The following CBR4 variants were observed in gnomAD, a reference collection of about 807,000 sequenced individuals.
CBR4 encodes the protein 3-oxoacyl-[acyl-carrier-protein] reductase.
A neutral mutation model predicts 21.0 loss-of-function variants in CBR4; 22 were observed. The ratio of observed to expected loss-of-function variants is 1.05; its 90% CI spans 0.75 to 1.50. The LOEUF is 1.50. CBR4 is among the 40% of genes most tolerant of loss of function. CBR4 has a pLI of 0.00. For synonymous variants in CBR4, 100 were observed against 104.4 expected, an observed-to-expected ratio of 0.96 and a Z score of 0.26; for missense variants, 302 against 286.3, an observed-to-expected ratio of 1.05 and a Z score of -0.40.
chr4:168,968,188 CTAA>C lies in CBR4; in HGVS notation n.169+33880_169+33882del, dbSNP rs1238183703. Among the ~76,000 whole-genome samples the C allele has an allele frequency of 3.3e-5, 5 of 152,278 alleles. No individual in the cohort carries two copies. In the East Asian group the frequency reaches 9.6e-4, roughly 29 times the overall value. On this transcript the variant is annotated intron_variant and non_coding_transcript_variant, in intron 2 of 3. Transcript: ENST00000509108. ...CCAAACTGCCCTTTTTTATGACTTT[CTAA>C]CATAGCCCTTATATTTTCTACAGGA...
chr4:168,990,010 T>A lies in CBR4; in HGVS notation c.*140A>T, dbSNP rs575639005. 3.1e-6 allele frequency: 4 copies of A among 1,281,924 alleles called. No individual in the cohort carries two copies. The South Asian group carries it at 1.2e-4, about 39-fold the overall frequency. The allele number at this position is 1,281,924 out of a possible 1,614,324, so 79.4% of individuals were successfully genotyped here. ...TCACACATTGTTCTTTTGAGACATA[T>A]TTTTATAAAGACAGAAATTAACATT... is the stretch of plus-strand genomic sequence containing the variant. On this transcript the variant is annotated 3_prime_UTR_variant, in exon 5 of 5. Transcript: ENST00000306193.
At chr4:168,972,912 T>C (rs1764253968) in intron 2 of CBR4, among the ~76,000 whole-genome samples, 1 of 152,242 alleles carries the variant, frequency 6.6e-6, no homozygotes. Flanking sequence ...GGTTGTGAGC[T>C]TGTCATAGAT....
intron 2 of CBR4, chr4:168,921,755 T>G (rs1317336146): frequency 1.3e-6 from 2 of 1,594,590 alleles, no homozygotes; most frequent in Non-Finnish European, 1.7e-6. Flanking sequence ...GGCTCATCTG[T>G]GAATCCTTGC....
chr4:169,001,000 G>A (rs369737196), intron 4 of CBR4, among the ~76,000 whole-genome samples: 1 of 151,842 alleles, frequency 6.6e-6, no homozygotes, highest in African/African-American at 2.4e-5. Flanking sequence ...TAGAGACAGG[G>A]TCTCAACAGG....
intron 3 of CBR4, among the ~76,000 whole-genome samples, chr4:169,003,253 T>C (rs903341096): frequency 2.6e-5 from 4 of 152,222 alleles, no homozygotes; most frequent in Non-Finnish European, 4.4e-5. Context: ...TTGTGATTCA[T>C]GGCAGGTCAA....
intron 2 of CBR4, among the ~76,000 whole-genome samples, chr4:168,968,857 C>T (rs190742980): frequency 1.2e-4 from 19 of 152,298 alleles, no homozygotes; most frequent in African/African-American, 4.6e-4. Flanking sequence ...TCTTTTCCTA[C>T]CATGATAATT....
Position 168,894,657 on chromosome 4 carries a change from G to A in CBR4, n.278C>T. 6.2e-7 allele frequency: 1 copy of A among 1,613,614 alleles called. No individual in the cohort carries two copies. Among genetic ancestry groups the A allele is most frequent in the Non-Finnish European group, 8.5e-7 (1 of 1,179,636 alleles). On this transcript the variant is annotated non_coding_transcript_exon_variant, in exon 3 of 4. Transcript: ENST00000509108. ...AACTGTCTTTAATATTCAGGAGCCAGAAGAGGAAACAGCTAATCAGGTACC... is the reference window on the plus strand; with the variant it reads ...AACTGTCTTTAATATTCAGGAGCCAAAAGAGGAAACAGCTAATCAGGTACC...
At chr4:168,957,287 TAA>T (rs1763715484) in intron 2 of CBR4, among the ~76,000 whole-genome samples, 1 of 152,074 alleles carries the variant, frequency 6.6e-6, no homozygotes, top group Admixed American at 6.6e-5. Context: ...GGCTTCTAAT[TAA>T]AAGAGTAAAA....
intron 2 of CBR4, among the ~76,000 whole-genome samples, chr4:168,923,963 A>G (rs1227240218): frequency 6.6e-6 from 1 of 152,184 alleles, no homozygotes; most frequent in Non-Finnish European, 1.5e-5. Flanking sequence ...GCTAGCAATG[A>G]CTTAGGAGTC....
chr4:168,990,018 A>C lies in CBR4; in HGVS notation c.*132T>G. 7.7e-7 allele frequency: 1 copy of C among 1,296,976 alleles called. No homozygotes were observed. The highest frequency in any genetic ancestry group is 9.8e-7 in the Non-Finnish European group (1 of 1,017,308). The allele number at this position is 1,296,976 out of a possible 1,614,324, so 80.3% of individuals were successfully genotyped here. On this transcript the variant is annotated 3_prime_UTR_variant, in exon 5 of 5. Coordinates refer to ENST00000306193, the MANE Select transcript of CBR4 (RefSeq NM_032783.5). ...TGTTCTTTTGAGACATATTTTTATA[A>C]AGACAGAAATTAACATTTGTAGCAT...
chr4:168,905,786 T>C (rs945804843), intron 2 of CBR4, among the ~76,000 whole-genome samples: 2 of 109,202 alleles, frequency 1.8e-5, no homozygotes, highest in Non-Finnish European at 3.7e-5. Context: ...ACTTGCTTTT[T>C]TTTCTTTTTT....
chr4:168,896,878 C>T (rs2151242501), intron 2 of CBR4, among the ~76,000 whole-genome samples: 1 of 152,234 alleles, frequency 6.6e-6, no homozygotes, highest in South Asian at 2.1e-4. Context: ...GTTGCCCAGG[C>T]TGGAGTGCAA....
intron 2 of CBR4, chr4:168,898,440 GAC>G (rs1286625290): frequency 8.7e-7 from 1 of 1,153,662 alleles, no homozygotes; most frequent in Non-Finnish European, 1.3e-6. Context: ...GGAGAGACGT[GAC>G]ACTTTGTCAG....
intron 2 of CBR4, among the ~76,000 whole-genome samples, chr4:168,933,600 G>A (rs1763024966): frequency 6.6e-6 from 1 of 152,146 alleles, no homozygotes; most frequent in African/African-American, 2.4e-5. Flanking sequence ...GCACTGGACA[G>A]ATCATCTAGA....
chr4:169,008,992 G>C (rs766947608), intron 1 of CBR4: 1 of 451,526 alleles, frequency 2.2e-6, no homozygotes, highest in South Asian at 1.6e-5. Flanking sequence ...ACTGAGGCGA[G>C]AAGATCTCTA....
intron 3 of CBR4, among the ~76,000 whole-genome samples, chr4:169,004,113 TA>T (rs959188351): frequency 6.6e-5 from 10 of 151,330 alleles, no homozygotes; most frequent in South Asian, 2.1e-4. Flanking sequence ...AATAAAAAAA[TA>T]AAAAAAATAA....
At chr4:168,984,730 T>TAG (rs1277994236), downstream of CBR4, among the ~76,000 whole-genome samples, 1 of 152,052 alleles carries the variant, frequency 6.6e-6, no homozygotes. Context: ...ACCAATGGAA[T>TAG]AGGTTAGAGA....
chr4:168,897,814 A>C (rs1048584013), intron 2 of CBR4, among the ~76,000 whole-genome samples: 2 of 151,068 alleles, frequency 1.3e-5, no homozygotes, highest in African/African-American at 4.9e-5. Context: ...AGGAATGTTG[A>C]TGGGTTGTTT....
rs916404396 is a variant in CBR4, at chr4:168,998,133, A to G, written c.535+3938T>C. On this transcript the variant is annotated intron_variant, in intron 4 of 4. Transcript: ENST00000306193. The stretch of plus-strand genomic sequence containing the variant: ...AGCTCTTCAACTTAAAAAATAAAGT[A>G]CTGAAACACTTAAGGTATCCTGTAG... Among the ~76,000 whole-genome samples the G allele has an allele frequency of 3.5e-4, 53 of 152,218 alleles. 1 individual carries two copies. Among genetic ancestry groups the G allele is most frequent in the African/African-American group, 1.2e-3 (50 of 41,450 alleles).
Sources: gnomAD v4.1 joint callset for allele counts (sites outside exome capture counted in the v4.1 genomes callset) on GRCh38, gnomAD v4.1.1 for gene constraint, MANE v1.5 for transcripts, NCBI Gene and HGNC (gene_info 2026-07-23, HGNC 2026-07-21) for gene names.